WDR41: variants seen among roughly 807,000 people sequenced by gnomAD.
WDR41 encodes WD repeat domain 41.
WDR41 carries 63 observed loss-of-function variants against 69.3 expected under a neutral mutation model. The observed-to-expected ratio is 0.91, with a 90% confidence interval of 0.74 to 1.12. The LOEUF is 1.12. Among genes scored for constraint, WDR41 ranks in the 50% most tolerant of loss-of-function variants. The pLI, the probability that WDR41 is intolerant of heterozygous loss-of-function variation, is 0.00. For synonymous variants in WDR41, 185 were observed against 192.1 expected (o/e 0.96, Z 0.31); for missense variants, 543 against 534.5 (o/e 1.02, Z -0.16).
chr5:77,616,799 G>A (rs967549663), intron 1 of WDR41, among the ~76,000 whole-genome samples: 4 of 152,162 alleles, frequency 2.6e-5, no homozygotes, highest in African/African-American at 9.7e-5. Flanking sequence ...ATGGATTCTA[G>A]TAGTGGTGTA....
intron 1 of WDR41, among the ~76,000 whole-genome samples, chr5:77,588,047 TCACCTTA>T (rs1268442634): frequency 6.6e-6 from 1 of 152,218 alleles, no homozygotes; most frequent in African/African-American, 2.4e-5. Flanking sequence ...ACTAATATAG[TCACCTTA>T]TCATATGCTT....
At chr5:77,566,963 C>T (rs1743644156) in intron 1 of WDR41, among the ~76,000 whole-genome samples, 1 of 152,114 alleles carries the variant, frequency 6.6e-6, no homozygotes, top group South Asian at 2.1e-4. Context: ...AAAATATGTT[C>T]CAACATTCAT....
chr5:77,537,233 A>G (rs981120730), intron 1 of WDR41, among the ~76,000 whole-genome samples: 1 of 152,176 alleles, frequency 6.6e-6, no homozygotes, highest in Non-Finnish European at 1.5e-5. Flanking sequence ...CGTTCGGAAA[A>G]TGTGACTGGG....
At chr5:77,576,676 T>C (rs1390372624) in intron 1 of WDR41, among the ~76,000 whole-genome samples, 2 of 151,822 alleles carry the variant, frequency 1.3e-5, no homozygotes, top group Non-Finnish European at 2.9e-5. Context: ...TTCTTGGTCC[T>C]TTTTTTTCCT....
chr5:77,529,834 T>C (rs1802501071), intron 1 of WDR41, among the ~76,000 whole-genome samples: 2 of 151,784 alleles, frequency 1.3e-5, no homozygotes, highest in Non-Finnish European at 3.0e-5. Flanking sequence ...AAAATAAATT[T>C]TTGCTGCTTC....
intron 1 of WDR41, among the ~76,000 whole-genome samples, chr5:77,525,114 A>G (rs2112197713): frequency 6.6e-6 from 1 of 152,300 alleles, no homozygotes; most frequent in East Asian, 1.9e-4. Flanking sequence ...TTTCTGATCA[A>G]ATGAATCCTG....
intron 1 of WDR41, among the ~76,000 whole-genome samples, chr5:77,570,096 TA>T (rs1450554421): frequency 6.6e-6 from 1 of 152,114 alleles, no homozygotes; most frequent in Non-Finnish European, 1.5e-5. Flanking sequence ...CCTTCCTAGA[TA>T]AAAATAAGTA....
intron 1 of WDR41, among the ~76,000 whole-genome samples, chr5:77,551,376 T>C (rs563447289): frequency 1.1e-3 from 161 of 152,312 alleles, no homozygotes; most frequent in Non-Finnish European, 1.7e-3. Context: ...AAAAATAATA[T>C]AGCATAAAAT....
intron 2 of WDR41, among the ~76,000 whole-genome samples, chr5:77,466,323 T>A (rs1270941268): frequency 1.3e-5 from 2 of 151,972 alleles, no homozygotes; most frequent in African/African-American, 2.4e-5. Flanking sequence ...AAATAGTACC[T>A]TGAATATCAA....
In WDR41 at chr5:77,477,446, TAGA is replaced by T. The variant is rs1800995155; in HGVS notation, c.167+12008_167+12010del. Among the ~76,000 whole-genome samples the T allele has an allele frequency of 2.3e-5, 2 of 87,948 alleles. 1 individual carries two copies. The highest frequency in any genetic ancestry group is 3.9e-5 in the Non-Finnish European group (2 of 51,126). 57.7% of individuals were successfully genotyped at this position (87,948 alleles called of 152,430 possible). A position where few individuals can be genotyped will look rare whatever the true frequency, so the allele number is the denominator to read the frequency against. On this transcript the variant is annotated intron_variant, in intron 2 of 12. Coordinates refer to ENST00000296679, the MANE Select transcript of WDR41 (RefSeq NM_018268.4). Reference sequence around the variant, plus strand: ...GAAGTAAAGCTCTCCTCAGGAAATGTAGAAGAATAGAAATTATAACAAACTATC... The same window carrying T: ...GAAGTAAAGCTCTCCTCAGGAAATGTAGAATAGAAATTATAACAAACTATC...
At chr5:77,598,466 G>C (rs1744262994) in intron 1 of WDR41, among the ~76,000 whole-genome samples, 2 of 152,146 alleles carry the variant, frequency 1.3e-5, no homozygotes, top group Admixed American at 6.5e-5. Flanking sequence ...GACAGGAGCT[G>C]CTTCAGCCAT....
intron 2 of WDR41, among the ~76,000 whole-genome samples, chr5:77,476,469 G>T (rs1269520826): frequency 6.6e-6 from 1 of 152,160 alleles, no homozygotes; most frequent in South Asian, 2.1e-4. Context: ...ACTCACAGCG[G>T]ATCTCCTGGC....
chr5:77,566,473 A>C (rs1457651880), intron 1 of WDR41, among the ~76,000 whole-genome samples: 1 of 152,132 alleles, frequency 6.6e-6, no homozygotes, highest in Non-Finnish European at 1.5e-5. Flanking sequence ...AAAGATGCAA[A>C]TAAAAATTCC....
At chr5:77,497,909 G>A (rs1276254739) in intron 1 of WDR41, among the ~76,000 whole-genome samples, 1 of 152,176 alleles carries the variant, frequency 6.6e-6, no homozygotes, top group Non-Finnish European at 1.5e-5. Flanking sequence ...ATATTATTTA[G>A]TCATAAAGGA....
intron 7 of WDR41, among the ~76,000 whole-genome samples, chr5:77,450,773 A>G (rs1799595324): frequency 6.6e-6 from 1 of 152,186 alleles, no homozygotes; most frequent in Admixed American, 6.5e-5. Context: ...CTCTGAGATC[A>G]TGTCCTTTTC....
chr5:77,492,052 G>A, intron 1 of WDR41, 118 bp downstream of exon 1: 1 of 1,292,180 alleles, frequency 7.7e-7, no homozygotes, highest in East Asian at 2.6e-5. Context: ...CACGAGCTCA[G>A]CAGCCAGCCC....
intron 1 of WDR41, among the ~76,000 whole-genome samples, chr5:77,592,964 C>G (rs141538986): frequency 3.9e-5 from 6 of 152,254 alleles, no homozygotes; most frequent in African/African-American, 1.2e-4. Context: ...TAGCAATAAA[C>G]TAACTGTCAT....
intron 1 of WDR41, among the ~76,000 whole-genome samples, chr5:77,499,963 T>TAA (rs34007105): frequency 0.012 from 1,827 of 151,292 alleles, 36 homozygotes; most frequent in African/African-American, 0.04. Flanking sequence ...AATTGCTTGT[T>TAA]AAAAAAAAAT....
At chr5:77,521,670 T>A (rs1802372071) in intron 1 of WDR41, among the ~76,000 whole-genome samples, 1 of 152,238 alleles carries the variant, frequency 6.6e-6, no homozygotes, top group Non-Finnish European at 1.5e-5. Context: ...CCACATTTTA[T>A]GGCGAAACCT....
Sources: gnomAD v4.1 joint callset for allele counts (sites outside exome capture counted in the v4.1 genomes callset) on GRCh38, gnomAD v4.1.1 for gene constraint, MANE v1.5 for transcripts, NCBI Gene and HGNC (gene_info 2026-07-23, HGNC 2026-07-21) for gene names.